The following AUTS2 variants were observed in gnomAD, a reference collection of about 807,000 sequenced individuals.
The protein encoded by AUTS2 is autism susceptibility gene 2 protein.
In AUTS2, 17 loss-of-function variants were observed where a neutral mutation model predicts 112.4. That is an observed-to-expected ratio of 0.15 (90% CI 0.10 to 0.23). The LOEUF (loss-of-function observed/expected upper bound fraction) is 0.23. Ranked by LOEUF, AUTS2 falls within the 10% of genes least tolerant of loss-of-function variation. AUTS2 has a pLI of 1.00. For synonymous variants in AUTS2, 751 were observed against 702.7 expected, an observed-to-expected ratio of 1.07 and a Z score of -1.09; for missense variants, 1,510 against 1,701.6, an observed-to-expected ratio of 0.89 and a Z score of 1.98.
At chr7:70,271,483 C>T (rs978464944) in intron 4 of AUTS2, among the ~76,000 whole-genome samples, 6 of 151,972 alleles carry the variant, frequency 3.9e-5, no homozygotes, top group Admixed American at 6.6e-5. Context: ...ATTGTAATTA[C>T]GGAAATTGAT....
chr7:70,196,412 T>G (rs964673215), intron 4 of AUTS2, among the ~76,000 whole-genome samples: 1 of 152,216 alleles, frequency 6.6e-6, no homozygotes, highest in Non-Finnish European at 1.5e-5. Flanking sequence ...GAAGGGAATT[T>G]CTTGCTGAGT....
chr7:70,640,421 GA>G (rs57911940), intron 5 of AUTS2, among the ~76,000 whole-genome samples: 2,981 of 93,612 alleles, frequency 0.032, 134 homozygotes, highest in African/African-American at 0.12. Context: ...CTCACAGGGG[GA>G]AAAAAAAAAA....
At chr7:70,163,843 TAAGA>T (rs1450548474) in intron 4 of AUTS2, among the ~76,000 whole-genome samples, 1 of 152,160 alleles carries the variant, frequency 6.6e-6, no homozygotes, top group Non-Finnish European at 1.5e-5. Flanking sequence ...GAAGAAATGC[TAAGA>T]AAGTCATGTA....
At chr7:70,439,900 G>A (rs992432315) in intron 5 of AUTS2, among the ~76,000 whole-genome samples, 3 of 152,162 alleles carry the variant, frequency 2.0e-5, no homozygotes, top group Admixed American at 2.0e-4. Flanking sequence ...TTTTTCTTGT[G>A]TATAGCATGT....
chr7:69,873,525 A>G (rs1197355301), intron 1 of AUTS2, among the ~76,000 whole-genome samples: 20 of 151,456 alleles, frequency 1.3e-4, no homozygotes, highest in Non-Finnish European at 2.9e-5. Context: ...ATTAGACTGT[A>G]TGAGATCGTC....
At chr7:69,693,587 G>T (rs1464969737) in intron 1 of AUTS2, among the ~76,000 whole-genome samples, 1 of 152,148 alleles carries the variant, frequency 6.6e-6, no homozygotes, top group Non-Finnish European at 1.5e-5. Flanking sequence ...GCATTTTCAT[G>T]TGCTCATTCA....
chr7:70,710,169 C>T lies in AUTS2; in HGVS notation c.742+11549C>T, dbSNP rs1035006139. ...GTACTTAGGGTTCCTTTGTACTTGACTTCTCAAGTGGAATGACTGTCATTT... is the reference window on the plus strand; with the variant it reads ...GTACTTAGGGTTCCTTTGTACTTGATTTCTCAAGTGGAATGACTGTCATTT... On this transcript the variant is annotated intron_variant, in intron 6 of 18. Transcript: ENST00000342771. Among the ~76,000 whole-genome samples, 17 of 148,608 alleles carry T rather than the reference C, an allele frequency of 1.1e-4. 2 individuals are homozygous for T. The highest frequency in any genetic ancestry group is 4.8e-4 in the Admixed American group (7 of 14,568).
intron 4 of AUTS2, among the ~76,000 whole-genome samples, chr7:70,326,055 C>T (rs1171067615): frequency 6.6e-6 from 1 of 152,188 alleles, no homozygotes; most frequent in Non-Finnish European, 1.5e-5. Flanking sequence ...GACCAGCCTC[C>T]AGGTCAGCAC....
At chr7:70,245,132 AAGTGT>A (rs1228583696) in intron 4 of AUTS2, among the ~76,000 whole-genome samples, 1,562 of 98,666 alleles carry the variant, frequency 0.016, 17 homozygotes, top group East Asian at 0.023. Context: ...AAAAAAAAAA[AAGTGT>A]GTGTGTGTAT....
At chr7:70,219,320 G>A (rs973412128) in intron 4 of AUTS2, among the ~76,000 whole-genome samples, 1 of 152,116 alleles carries the variant, frequency 6.6e-6, no homozygotes, top group South Asian at 2.1e-4. Context: ...TTAATTGCTA[G>A]TAAACTAATT....
chr7:70,357,144 A>G (rs921435500), intron 4 of AUTS2, among the ~76,000 whole-genome samples: 2 of 152,188 alleles, frequency 1.3e-5, no homozygotes, highest in Admixed American at 6.5e-5. Flanking sequence ...CAGATTTGGC[A>G]GGCACTTGGG....
chr7:70,469,628 G>T (rs138430811), intron 5 of AUTS2, among the ~76,000 whole-genome samples: 83 of 152,184 alleles, frequency 5.5e-4, no homozygotes, highest in African/African-American at 1.9e-3. Flanking sequence ...CTCGTGGTTT[G>T]TTTTTGTTTT....
At chr7:70,676,939 C>T (rs1220873722) in intron 5 of AUTS2, among the ~76,000 whole-genome samples, 2 of 152,118 alleles carry the variant, frequency 1.3e-5, no homozygotes, top group African/African-American at 4.8e-5. Flanking sequence ...CTTCAAAAAT[C>T]GTCTGTACAT....
chr7:69,623,381 ATTTTTTTTTTTTTT>A (rs56204810), intron 1 of AUTS2, among the ~76,000 whole-genome samples: 1 of 71,952 alleles, frequency 1.4e-5, no homozygotes, highest in Admixed American at 2.1e-4. Flanking sequence ...ACGCCCAGCA[ATTTTTTTTTTTTTT>A]TTTTTTTTTT....
intron 4 of AUTS2, among the ~76,000 whole-genome samples, chr7:70,372,893 T>C (rs1488315515): frequency 2.0e-5 from 3 of 151,942 alleles, no homozygotes; most frequent in Admixed American, 2.0e-4. Flanking sequence ...GAAGAAGTCA[T>C]GGGGGAAGGG....
intron 2 of AUTS2, among the ~76,000 whole-genome samples, chr7:69,921,662 T>C (rs1007458021): frequency 6.6e-5 from 10 of 150,726 alleles, no homozygotes; most frequent in African/African-American, 2.4e-4. Context: ...TCCCAGCTAC[T>C]TGGGAGGCCT....
intron 2 of AUTS2, among the ~76,000 whole-genome samples, chr7:69,962,344 G>A (rs1323387388): frequency 2.6e-5 from 4 of 152,154 alleles, no homozygotes; most frequent in Admixed American, 6.5e-5. Flanking sequence ...GAGGTCAGAT[G>A]CAGATAATAC....
In AUTS2 at chr7:69,839,196, A is replaced by G. The variant is rs1241882161; in HGVS notation, c.310-60090A>G. Among the ~76,000 whole-genome samples the G allele has an allele frequency of 2.0e-5, 3 of 152,316 alleles. No homozygotes were observed. The East Asian group carries it at 5.8e-4, about 29-fold the overall frequency. ...ATTAACATCTGCATGCCCAGAGGACAGTGAATTGCTAACTTTTCACTGGCT... is the reference window on the plus strand; with the variant it reads ...ATTAACATCTGCATGCCCAGAGGACGGTGAATTGCTAACTTTTCACTGGCT... On this transcript the variant is annotated intron_variant, in intron 1 of 18. Coordinates refer to ENST00000342771, the MANE Select transcript of AUTS2 (RefSeq NM_015570.4).
At chr7:69,797,178 C>G (rs1181887032) in intron 1 of AUTS2, among the ~76,000 whole-genome samples, 1 of 152,154 alleles carries the variant, frequency 6.6e-6, no homozygotes, top group Non-Finnish European at 1.5e-5. Flanking sequence ...GACCTGGGGA[C>G]TTTTGCAGGT....
Sources: gnomAD v4.1 joint callset for allele counts (sites outside exome capture counted in the v4.1 genomes callset) on GRCh38, gnomAD v4.1.1 for gene constraint, MANE v1.5 for transcripts, NCBI Gene and HGNC (gene_info 2026-07-23, HGNC 2026-07-21) for gene names.